PLXDC2: variants seen among roughly 807,000 people sequenced by gnomAD.
PLXDC2 encodes the protein plexin domain containing 2.
In PLXDC2, 40 loss-of-function variants were observed where a neutral mutation model predicts 68.9. The ratio of observed to expected loss-of-function variants is 0.58; its 90% CI spans 0.45 to 0.76. The LOEUF (loss-of-function observed/expected upper bound fraction) is 0.76. Ranked by LOEUF, PLXDC2 falls within the 30% of genes least tolerant of loss-of-function variation. PLXDC2 has a pLI of 0.00. For synonymous variants in PLXDC2, 243 were observed against 234.2 expected (o/e 1.04, Z -0.34); for missense variants, 644 against 661.9 (o/e 0.97, Z 0.30).
chr10:20,062,248 A>G (rs1247779955), intron 3 of PLXDC2, among the ~76,000 whole-genome samples: 3 of 152,200 alleles, frequency 2.0e-5, no homozygotes, highest in Non-Finnish European at 2.9e-5. Context: ...GCATGGTGAA[A>G]TCCCGTCTCT....
intron 1 of PLXDC2, among the ~76,000 whole-genome samples, chr10:19,819,718 C>T (rs1190627729): frequency 1.3e-5 from 2 of 152,208 alleles, no homozygotes; most frequent in African/African-American, 4.8e-5. Flanking sequence ...ATATAATTTA[C>T]ACTTATTTTA....
chr10:20,055,024 T>A (rs1048670285), intron 3 of PLXDC2, among the ~76,000 whole-genome samples: 1 of 152,128 alleles, frequency 6.6e-6, no homozygotes, highest in Admixed American at 6.6e-5. Context: ...TTTCTGTATG[T>A]TGGTAGGAAG....
chr10:20,253,093 G>A (rs974975344), intron 13 of PLXDC2, among the ~76,000 whole-genome samples: 14 of 151,910 alleles, frequency 9.2e-5, no homozygotes, highest in South Asian at 4.1e-4. Context: ...GGCCAGGTGC[G>A]GTGGCTCATG....
chr10:20,147,752 T>C (rs1332982646), intron 5 of PLXDC2, 32 bp from the exon 6 acceptor site: 2 of 1,344,336 alleles, frequency 1.5e-6, no homozygotes, highest in South Asian at 1.3e-5. Context: ...GTTTTTCTCA[T>C]TGCATTTCTT....
intron 2 of PLXDC2, among the ~76,000 whole-genome samples, chr10:20,038,137 G>A (rs1835613131): frequency 6.6e-6 from 1 of 152,104 alleles, no homozygotes; most frequent in African/African-American, 2.4e-5. Context: ...TCAGGAGGCT[G>A]AGGCAGGAGA....
chr10:19,824,939 G>GTA (rs1293212551), intron 1 of PLXDC2, among the ~76,000 whole-genome samples: 4 of 152,184 alleles, frequency 2.6e-5, no homozygotes, highest in Non-Finnish European at 4.4e-5. Flanking sequence ...AAGGATTACA[G>GTA]ATCTGAACAT....
intron 2 of PLXDC2, among the ~76,000 whole-genome samples, chr10:20,004,861 G>C (rs957269043): frequency 6.6e-6 from 1 of 152,150 alleles, no homozygotes; most frequent in Admixed American, 6.5e-5. Flanking sequence ...CAAAGTGTCA[G>C]GTTTGAATCA....
chr10:19,829,845 G>A (rs1250653640), intron 1 of PLXDC2, among the ~76,000 whole-genome samples: 7 of 152,198 alleles, frequency 4.6e-5, no homozygotes, highest in Non-Finnish European at 1.0e-4. Context: ...ATTTACAAAG[G>A]ATGATTTACA....
intron 3 of PLXDC2, among the ~76,000 whole-genome samples, chr10:20,055,010 T>A (rs973435874): frequency 6.6e-6 from 1 of 152,180 alleles, no homozygotes. Context: ...AATATTTTTT[T>A]ATCTTTCTGT....
chr10:20,221,308 A>G (rs1271351565), intron 12 of PLXDC2, among the ~76,000 whole-genome samples: 1 of 152,160 alleles, frequency 6.6e-6, no homozygotes, highest in Non-Finnish European at 1.5e-5. Flanking sequence ...GCAGTGCCTT[A>G]TGATGCTAAG....
intron 6 of PLXDC2, among the ~76,000 whole-genome samples, chr10:20,158,743 G>C (rs12358900): frequency 0.3 from 44,848 of 151,624 alleles, 7,321 homozygotes; most frequent in East Asian, 0.51. Flanking sequence ...TAATAATATA[G>C]TCTCTAATTT....
chr10:20,114,561 C>G (rs1833598824), intron 4 of PLXDC2, among the ~76,000 whole-genome samples: 1 of 152,170 alleles, frequency 6.6e-6, no homozygotes, highest in South Asian at 2.1e-4. Flanking sequence ...AGACCTGTAA[C>G]AGACGTCTGA....
intron 1 of PLXDC2, among the ~76,000 whole-genome samples, chr10:19,994,250 CTCCTTTTTTT>C (rs1834801273): frequency 1.8e-5 from 1 of 56,980 alleles, no homozygotes; most frequent in Non-Finnish European, 3.4e-5. Flanking sequence ...CCATTGTATT[CTCCTTTTTTT>C]TTTTTTTTTT....
At chr10:19,966,370 A>AAAAATATATATGCGCACATATAT (rs1834253857) in intron 1 of PLXDC2, among the ~76,000 whole-genome samples, 1 of 133,478 alleles carries the variant, frequency 7.5e-6, no homozygotes. Context: ...CACATATATA[A>AAAAATATATATGCGCACATATAT]AAAATATATA....
chr10:19,817,299 G>A (rs1374099902), intron 1 of PLXDC2, 108 bp downstream of exon 1: 9 of 904,972 alleles, frequency 9.9e-6, no homozygotes, highest in Non-Finnish European at 1.5e-5. Context: ...CTGCCCTTGG[G>A]AAACTTATTG....
At chr10:20,265,474 A>G (rs895804275) in intron 13 of PLXDC2, among the ~76,000 whole-genome samples, 2 of 152,172 alleles carry the variant, frequency 1.3e-5, no homozygotes, top group African/African-American at 2.4e-5. Flanking sequence ...AGCTTTTTTT[A>G]TGTGTGTTAC....
At chr10:20,161,451 CTCT>C (rs1564337603) in intron 6 of PLXDC2, among the ~76,000 whole-genome samples, 2 of 150,762 alleles carry the variant, frequency 1.3e-5, no homozygotes, top group African/African-American at 4.9e-5. Flanking sequence ...GTCTCTCTCT[CTCT>C]TTTTTTTTTT....
intron 2 of PLXDC2, among the ~76,000 whole-genome samples, chr10:20,021,989 G>A (rs996908587): frequency 3.9e-5 from 6 of 152,150 alleles, no homozygotes; most frequent in African/African-American, 9.7e-5. Context: ...GAGCCACCAC[G>A]CCCAGCTCAC....
At chr10:20,197,036 A>G (rs1456610344) in intron 9 of PLXDC2, among the ~76,000 whole-genome samples, 1 of 152,044 alleles carries the variant, frequency 6.6e-6, no homozygotes, top group Non-Finnish European at 1.5e-5. Flanking sequence ...ATTCTTCAGG[A>G]TGTGCTAATT....
Sources: gnomAD v4.1 joint callset for allele counts (sites outside exome capture counted in the v4.1 genomes callset) on GRCh38, gnomAD v4.1.1 for gene constraint, MANE v1.5 for transcripts, NCBI Gene and HGNC (gene_info 2026-07-23, HGNC 2026-07-21) for gene names.